The following FAM81B variants were observed in gnomAD, a reference collection of about 807,000 sequenced individuals.
FAM81B encodes family with sequence similarity 81 member B, also known as protein FAM81B.
FAM81B carries 60 observed loss-of-function variants against 58.7 expected under a neutral mutation model. The observed-to-expected ratio is 1.02, with a 90% CI of 0.83 to 1.27. The LOEUF is 1.27. Among genes scored for constraint, FAM81B ranks in the 50% most tolerant of loss-of-function variants. The probability of loss-of-function intolerance (pLI) is 0.00; values close to 1 mark genes in which losing one functional copy is unlikely to be tolerated. For missense variants in FAM81B, 491 were observed against 522.0 expected (o/e 0.94, Z 0.58); for synonymous variants, 189 against 179.6 (o/e 1.05, Z -0.42).
intron 2 of FAM81B, among the ~76,000 whole-genome samples, chr5:95,393,978 G>C (rs1403308911): frequency 6.6e-6 from 1 of 152,032 alleles, no homozygotes; most frequent in Admixed American, 6.6e-5. Flanking sequence ...TGACTCTTAT[G>C]TTCAATTAGC....
In FAM81B at chr5:95,428,681, T is replaced by G; in HGVS notation, c.735T>G (p.Ile245Met). 1 of 1,613,962 alleles carries G rather than the reference T, an allele frequency of 6.2e-7. No homozygotes were observed. The highest frequency in any genetic ancestry group is 8.5e-7 in the Non-Finnish European group (1 of 1,179,852). The change falls in exon 6 of 10, where the codon ATT becomes ATG. Residue 245 changes from isoleucine (I) to methionine (M), a missense_variant. Ile to Met is a conservative substitution (Grantham distance 10). Coordinates refer to ENST00000283357, the MANE Select transcript of FAM81B (RefSeq NM_152548.3). ...AGCACCGGCAAATTGAGAAAGCCAT[T>G]CAAGAATTCGTGCCCGCCCTGGAAA... ...RQEHRQIEKAIQEFVPALETL... is the reference protein window; with the variant it reads ...RQEHRQIEKAMQEFVPALETL...
intron 5 of FAM81B, among the ~76,000 whole-genome samples, chr5:95,422,500 C>T (rs11135423): frequency 0.21 from 31,846 of 151,804 alleles, 3,447 homozygotes; most frequent in African/African-American, 0.26. Flanking sequence ...GTTTCTTTTT[C>T]GAGACAGAGT....
chr5:95,426,020 ATG>A (rs1426830918), intron 5 of FAM81B, among the ~76,000 whole-genome samples: 3 of 149,308 alleles, frequency 2.0e-5, no homozygotes, highest in Non-Finnish European at 3.0e-5. Flanking sequence ...GTAAAATTAA[ATG>A]TAATATTTTA....
chr5:95,395,519 C>A (rs1472173562), intron 2 of FAM81B, among the ~76,000 whole-genome samples: 1 of 151,738 alleles, frequency 6.6e-6, no homozygotes, highest in Non-Finnish European at 1.5e-5. Context: ...ATCTTCTTTC[C>A]TGTCATAAAA....
At chr5:95,396,396 A>G (rs1266163588) in intron 3 of FAM81B, among the ~76,000 whole-genome samples, 1 of 152,212 alleles carries the variant, frequency 6.6e-6, no homozygotes, top group African/African-American at 2.4e-5. Context: ...AGATTTAACT[A>G]CCTTTTCTTT....
In FAM81B at chr5:95,392,476, G is replaced by A. The variant is rs895536496; in HGVS notation, c.125-318G>A. ...CGTAACAAACCTGCATGTTCTGCAC[G>A]TGTATCCCAGGACTTAAAGTATAAT... On this transcript the variant is annotated intron_variant, in intron 1 of 9. Transcript: ENST00000283357. 8.7e-4 allele frequency among the ~76,000 whole-genome samples: 132 copies of A among 152,188 alleles called. 1 individual carries two copies. The highest frequency in any genetic ancestry group is 3.0e-3 in the African/African-American group (125 of 41,500).
In FAM81B at chr5:95,426,862, G is replaced by C. The variant is rs867545364; in HGVS notation, c.657-1741G>C. 1.9e-4 allele frequency among the ~76,000 whole-genome samples: 29 copies of C among 152,188 alleles called. 1 individual carries two copies. Among genetic ancestry groups the C allele is most frequent in the African/African-American group, 6.3e-4 (26 of 41,530 alleles). On this transcript the variant is annotated intron_variant, in intron 5 of 9. Transcript: ENST00000283357. ...AGGAGCTCGAGACCATCCTGGCTAA[G>C]ACGGTGAAACCCCGTCTCTACTAAA...
chr5:95,448,561 T>C (rs1048875212), intron 9 of FAM81B, 97 bp downstream of exon 9: 9 of 1,135,636 alleles, frequency 7.9e-6, no homozygotes, highest in Non-Finnish European at 1.1e-5. Flanking sequence ...ATCAATCTTG[T>C]CATTAGTGAC....
intron 9 of FAM81B, chr5:95,448,762 A>T (rs1254284331): frequency 1.1e-5 from 5 of 470,826 alleles, no homozygotes; most frequent in Middle Eastern, 3.1e-4. Context: ...TCAGACTTGG[A>T]AAATCCTTGG....
intron 8 of FAM81B, among the ~76,000 whole-genome samples, chr5:95,447,683 C>T (rs1745632815): frequency 6.6e-6 from 1 of 152,212 alleles, no homozygotes; most frequent in Admixed American, 6.5e-5. Context: ...ACCTGCCATG[C>T]CCAGTTCCTG....
intron 7 of FAM81B, chr5:95,440,495 C>T (rs1242830448): frequency 1.7e-6 from 1 of 605,410 alleles, no homozygotes; most frequent in Admixed American, 2.0e-5. Context: ...GAGGGTTTGC[C>T]TGTTGCTTTA....
At chr5:95,414,647 C>T (rs1166192960) in intron 4 of FAM81B, among the ~76,000 whole-genome samples, 2 of 152,184 alleles carry the variant, frequency 1.3e-5, no homozygotes, top group Non-Finnish European at 2.9e-5. Context: ...CCAGCTGTTC[C>T]TAGGACATTC....
intron 4 of FAM81B, among the ~76,000 whole-genome samples, chr5:95,414,826 A>T (rs1229012320): frequency 1.3e-5 from 2 of 152,162 alleles, no homozygotes; most frequent in Non-Finnish European, 2.9e-5. Context: ...CTCTACCCAC[A>T]TGGTTTCAAT....
chr5:95,436,446 G>A (rs1410725216), intron 6 of FAM81B, among the ~76,000 whole-genome samples: 3 of 152,196 alleles, frequency 2.0e-5, no homozygotes, highest in Admixed American at 6.5e-5. Flanking sequence ...GTATTGTAAC[G>A]GGAGACAATA....
intron 3 of FAM81B, among the ~76,000 whole-genome samples, chr5:95,398,891 A>G (rs181521318): frequency 0.013 from 1,962 of 152,300 alleles, 42 homozygotes; most frequent in African/African-American, 0.045. Context: ...AAGGATGGCT[A>G]GGGTGAAAAG....
intron 7 of FAM81B, among the ~76,000 whole-genome samples, chr5:95,443,026 A>G (rs1745424584): frequency 1.3e-5 from 2 of 152,238 alleles, no homozygotes; most frequent in South Asian, 4.1e-4. Flanking sequence ...GCCTGCTAGC[A>G]GTAATAGTTT....
chr5:95,414,864 T>G (rs903397217), intron 4 of FAM81B, among the ~76,000 whole-genome samples: 1 of 152,200 alleles, frequency 6.6e-6, no homozygotes, highest in Non-Finnish European at 1.5e-5. Context: ...TTATTTTTTT[T>G]GTCACATAGC....
At chr5:95,433,819 G>T (rs1582820602) in intron 6 of FAM81B, among the ~76,000 whole-genome samples, 2 of 152,128 alleles carry the variant, frequency 1.3e-5, no homozygotes, top group South Asian at 2.1e-4. Flanking sequence ...GTCTCCTCTG[G>T]TTATCAGACT....
chr5:95,426,092 G>GTATATATATATA (rs201172690), intron 5 of FAM81B, among the ~76,000 whole-genome samples: 71 of 84,878 alleles, frequency 8.4e-4, no homozygotes, highest in African/African-American at 2.8e-3. Flanking sequence ...CTATCTCTGT[G>GTATATATATATA]TGTATATATA....
Sources: allele counts gnomAD v4.1 joint callset (sites outside exome capture counted in the v4.1 genomes callset), GRCh38; gene constraint gnomAD v4.1.1; transcripts MANE v1.5; gene names NCBI Gene and HGNC (gene_info 2026-07-23, HGNC 2026-07-21).